EXOC4: variants seen among roughly 807,000 people sequenced by gnomAD.
EXOC4 encodes the protein SEC8-like 1.
EXOC4 carries 71 observed loss-of-function variants against 107.2 expected under a neutral mutation model. The ratio of observed to expected loss-of-function variants is 0.66; its 90% CI spans 0.55 to 0.81. The LOEUF is 0.81. EXOC4 is among the 30% of genes least tolerant of loss of function. The probability of loss-of-function intolerance (pLI) is 0.00; values close to 1 mark genes in which losing one functional copy is unlikely to be tolerated. For missense variants in EXOC4, 1,108 were observed against 1,189.6 expected (o/e 0.93, Z 1.01); for synonymous variants, 456 against 441.2 (o/e 1.03, Z -0.42).
chr7:133,282,452 A>G (rs1487493743), intron 2 of EXOC4, among the ~76,000 whole-genome samples: 1 of 152,224 alleles, frequency 6.6e-6, no homozygotes, highest in Admixed American at 6.5e-5. Flanking sequence ...ACAGAGTAAC[A>G]TAATTTTTCA....
chr7:133,860,861 G>A (rs1329614559), intron 11 of EXOC4, among the ~76,000 whole-genome samples: 1 of 149,388 alleles, frequency 6.7e-6, no homozygotes, highest in African/African-American at 2.5e-5. Context: ...ATCTCAACAT[G>A]TATGTGTTTA....
intron 17 of EXOC4, chr7:134,010,240 A>C (rs886728796): frequency 6.6e-6 from 1 of 152,216 alleles, no homozygotes; most frequent in Non-Finnish European, 1.5e-5. Flanking sequence ...GAATGAAAAG[A>C]TATCAAATCA....
rs750683788 is a variant in EXOC4, at chr7:133,602,266, G to A, written c.1418-27779G>A. Among the ~76,000 whole-genome samples, 5 of 152,328 alleles carry A rather than the reference G, an allele frequency of 3.3e-5. No homozygotes were observed. The South Asian group carries it at 8.3e-4, about 25-fold the overall frequency. On this transcript the variant is annotated intron_variant, in intron 9 of 17. Coordinates refer to ENST00000253861, the MANE Select transcript of EXOC4 (RefSeq NM_021807.4). ...AATTGGTTTTTATTAAAATCTGCAG[G>A]TAGTTCTTGTACTGGCAATGGCTTT... is the stretch of plus-strand genomic sequence containing the variant.
chr7:133,332,921 T>G (rs191535836), intron 5 of EXOC4, among the ~76,000 whole-genome samples: 1 of 152,208 alleles, frequency 6.6e-6, no homozygotes, highest in Non-Finnish European at 1.5e-5. Flanking sequence ...ATTTTTGTTC[T>G]TTTAGATTTT....
intron 10 of EXOC4, among the ~76,000 whole-genome samples, chr7:133,716,396 G>A (rs1794999311): frequency 6.6e-6 from 1 of 152,124 alleles, no homozygotes; most frequent in Non-Finnish European, 1.5e-5. Flanking sequence ...ATACAGATAA[G>A]GATTTAGAAA....
chr7:133,427,380 C>A (rs1389453370), intron 7 of EXOC4, among the ~76,000 whole-genome samples: 3 of 152,210 alleles, frequency 2.0e-5, no homozygotes, highest in Non-Finnish European at 2.9e-5. Context: ...TCATCAACAA[C>A]TCTGACATTT....
chr7:133,544,840 T>C (rs1223580278), intron 9 of EXOC4, among the ~76,000 whole-genome samples: 2 of 152,002 alleles, frequency 1.3e-5, no homozygotes, highest in Admixed American at 1.3e-4. Flanking sequence ...CCTTTTTTTT[T>C]TTTTTTCCCC....
Position 133,542,872 on chromosome 7 carries a change from A to AT in EXOC4, c.1417+62744dup, listed in dbSNP as rs1026553434. Among the ~76,000 whole-genome samples, 832 of 150,090 alleles carry AT rather than the reference A, an allele frequency of 5.5e-3. 3 individuals are homozygous for AT. The highest frequency in any genetic ancestry group is 0.017 in the African/African-American group (693 of 40,954). Reference sequence around the variant, plus strand: ...TCTTCTATGTATTCAGAAAAATTTTATTTTTTTTTTGAATTGTTGGATGCA... The same window carrying AT: ...TCTTCTATGTATTCAGAAAAATTTTATTTTTTTTTTTGAATTGTTGGATGCA... On this transcript the variant is annotated intron_variant, in intron 9 of 17. Transcript: ENST00000253861.
chr7:133,392,144 C>A (rs1401650186), intron 7 of EXOC4, among the ~76,000 whole-genome samples: 2 of 152,156 alleles, frequency 1.3e-5, no homozygotes, highest in Non-Finnish European at 2.9e-5. Flanking sequence ...GACATTTGAT[C>A]CTGACAGAAT....
intron 9 of EXOC4, among the ~76,000 whole-genome samples, chr7:133,611,003 T>G (rs1408115375): frequency 3.7e-5 from 4 of 107,300 alleles, no homozygotes; most frequent in Non-Finnish European, 6.1e-5. Context: ...TTTTTTTTTT[T>G]GTAGAGATGG....
chr7:133,670,986 G>A (rs1251975319), intron 10 of EXOC4, among the ~76,000 whole-genome samples: 1 of 152,140 alleles, frequency 6.6e-6, no homozygotes, highest in Admixed American at 6.5e-5. Flanking sequence ...GGTGCTCAGG[G>A]TGCGTGGTCA....
intron 10 of EXOC4, among the ~76,000 whole-genome samples, chr7:133,704,484 C>T (rs1183601887): frequency 1.3e-5 from 2 of 152,130 alleles, no homozygotes; most frequent in Admixed American, 6.5e-5. Flanking sequence ...TTTTTCCTAT[C>T]ACTGTTATTC....
At chr7:133,309,176 G>A (rs1361143846) in intron 4 of EXOC4, among the ~76,000 whole-genome samples, 1 of 152,100 alleles carries the variant, frequency 6.6e-6, no homozygotes, top group Non-Finnish European at 1.5e-5. Context: ...TGGGTGGGGT[G>A]CCTCTTTAAT....
At chr7:133,425,443 C>T (rs963664002) in intron 7 of EXOC4, among the ~76,000 whole-genome samples, 1 of 152,066 alleles carries the variant, frequency 6.6e-6, no homozygotes, top group African/African-American at 2.4e-5. Context: ...CACACTGCCA[C>T]GTCTGGCTAA....
chr7:133,350,318 G>T (rs1263663895), intron 5 of EXOC4, among the ~76,000 whole-genome samples: 1 of 151,960 alleles, frequency 6.6e-6, no homozygotes. Context: ...CTTACATTTA[G>T]GACTGTGATC....
intron 9 of EXOC4, among the ~76,000 whole-genome samples, chr7:133,619,461 CA>C (rs1168581392): frequency 6.6e-6 from 1 of 152,142 alleles, no homozygotes. Flanking sequence ...CTTTCACAGA[CA>C]AAACAAGATT....
chr7:133,400,915 A>C (rs574998131), intron 7 of EXOC4, among the ~76,000 whole-genome samples: 1 of 152,336 alleles, frequency 6.6e-6, no homozygotes, highest in East Asian at 1.9e-4. Flanking sequence ...AAGGACAGAG[A>C]AAATGAAAAG....
At chr7:133,282,930 A>G (rs1794190552) in intron 2 of EXOC4, among the ~76,000 whole-genome samples, 1 of 152,010 alleles carries the variant, frequency 6.6e-6, no homozygotes, top group South Asian at 2.1e-4. Flanking sequence ...CATCTTCTCA[A>G]CCCGTCCTCT....
At chr7:133,907,849 GAGAA>G (rs1799604084) in intron 12 of EXOC4, among the ~76,000 whole-genome samples, 3 of 112,822 alleles carry the variant, frequency 2.7e-5, no homozygotes, top group African/African-American at 3.9e-5. Context: ...GAGAAGGAGA[GAGAA>G]AGAAGGAGGG....
Sources: allele counts gnomAD v4.1 joint callset (sites outside exome capture counted in the v4.1 genomes callset), GRCh38; gene constraint gnomAD v4.1.1; transcripts MANE v1.5; gene names NCBI Gene and HGNC (gene_info 2026-07-23, HGNC 2026-07-21).